AFF3: variants seen among roughly 807,000 people sequenced by gnomAD.
The protein encoded by AFF3 is AF4/FMR2 family member 3.
In AFF3, 32 loss-of-function variants were observed where a neutral mutation model predicts 129.7. That is an observed-to-expected ratio of 0.25 (90% CI 0.19 to 0.33). AFF3 has a LOEUF of 0.33. AFF3 is among the 10% of genes least tolerant of loss of function. AFF3 has a pLI of 1.00. For missense variants in AFF3, 1,373 were observed against 1,592.0 expected (o/e 0.86, Z 2.34); for synonymous variants, 644 against 635.4 (o/e 1.01, Z -0.20).
chr2:99,760,743 C>T (rs192441389), intron 8 of AFF3, among the ~76,000 whole-genome samples: 1 of 152,258 alleles, frequency 6.6e-6, no homozygotes, highest in East Asian at 1.9e-4. Flanking sequence ...ATGTTTAAAG[C>T]CACTTACTCC....
At chr2:99,849,534 C>T (rs533533225) in intron 7 of AFF3, among the ~76,000 whole-genome samples, 5 of 152,062 alleles carry the variant, frequency 3.3e-5, no homozygotes, top group Admixed American at 6.5e-5. Context: ...TTTGTAGAAC[C>T]GAGACAGTAA....
At chr2:100,034,466 T>G (rs1369522485) in intron 4 of AFF3, among the ~76,000 whole-genome samples, 6 of 152,030 alleles carry the variant, frequency 3.9e-5, no homozygotes, top group African/African-American at 1.2e-4. Context: ...ATTTCAGAAT[T>G]TTAAAAACTC....
At chr2:99,918,117 G>A (rs759386371) in intron 7 of AFF3, among the ~76,000 whole-genome samples, 4 of 151,952 alleles carry the variant, frequency 2.6e-5, no homozygotes, top group Admixed American at 6.6e-5. Context: ...AAACTCTCTC[G>A]CTTATTATTT....
chr2:99,873,917 G>A (rs1370043268), intron 7 of AFF3, among the ~76,000 whole-genome samples: 1 of 152,080 alleles, frequency 6.6e-6, no homozygotes, highest in Non-Finnish European at 1.5e-5. Context: ...GCTCACGCCT[G>A]TAATCTCAGT....
At chr2:99,882,331 G>T (rs549449089) in intron 7 of AFF3, among the ~76,000 whole-genome samples, 1 of 152,312 alleles carries the variant, frequency 6.6e-6, no homozygotes, top group East Asian at 1.9e-4. Context: ...ACCAATCTAG[G>T]CATTCTAAAG....
chr2:99,780,298 C>A (rs1014829428), intron 8 of AFF3, among the ~76,000 whole-genome samples: 1 of 152,180 alleles, frequency 6.6e-6, no homozygotes, highest in Non-Finnish European at 1.5e-5. Flanking sequence ...AACCTCTCAG[C>A]GCTCTGTCTG....
intron 4 of AFF3, among the ~76,000 whole-genome samples, chr2:100,078,846 T>C (rs924895707): frequency 1.3e-5 from 2 of 152,166 alleles, no homozygotes; most frequent in African/African-American, 2.4e-5. Flanking sequence ...AGATTACTTA[T>C]AATACTTAAT....
At chr2:99,796,632 G>T (rs1685572554) in intron 8 of AFF3, among the ~76,000 whole-genome samples, 1 of 152,180 alleles carries the variant, frequency 6.6e-6, no homozygotes, top group Non-Finnish European at 1.5e-5. Flanking sequence ...TGAGTTTGCT[G>T]CTCAGGACAC....
At chr2:99,604,878 A>C (rs968363026) in intron 13 of AFF3, among the ~76,000 whole-genome samples, 1 of 152,222 alleles carries the variant, frequency 6.6e-6, no homozygotes, top group African/African-American at 2.4e-5. Flanking sequence ...CATCATAGAA[A>C]ACCAATCAGT....
chr2:100,083,253 G>T (rs953829755), intron 4 of AFF3, among the ~76,000 whole-genome samples: 2 of 152,164 alleles, frequency 1.3e-5, no homozygotes, highest in Non-Finnish European at 2.9e-5. Context: ...AGGAAGTCTA[G>T]GTCAATCAGC....
At chr2:99,720,917 T>C (rs1678833505) in intron 11 of AFF3, among the ~76,000 whole-genome samples, 1 of 152,198 alleles carries the variant, frequency 6.6e-6, no homozygotes, top group African/African-American at 2.4e-5. Flanking sequence ...TTTGCAGTTG[T>C]GTAGAATTCC....
chr2:99,958,597 C>T (rs1421537046), intron 7 of AFF3, among the ~76,000 whole-genome samples: 1 of 151,686 alleles, frequency 6.6e-6, no homozygotes, highest in African/African-American at 2.4e-5. Flanking sequence ...ATGTAGATAA[C>T]GATAAGAAAC....
chr2:99,639,978 C>T (rs145364510), intron 13 of AFF3, among the ~76,000 whole-genome samples: 288 of 152,066 alleles, frequency 1.9e-3, no homozygotes, highest in Non-Finnish European at 3.3e-3. Context: ...CCACTGCACC[C>T]GGCCCAGGAT....
At chr2:99,993,998 G>T (rs1680609007) in intron 7 of AFF3, among the ~76,000 whole-genome samples, 2 of 151,256 alleles carry the variant, frequency 1.3e-5, no homozygotes, top group African/African-American at 4.9e-5. Flanking sequence ...TAGAGATGGG[G>T]TTTCACCGTG....
intron 4 of AFF3, among the ~76,000 whole-genome samples, chr2:100,022,890 G>T (rs1347593528): frequency 6.6e-6 from 1 of 152,218 alleles, no homozygotes; most frequent in South Asian, 2.1e-4. Context: ...GCTAGGGTAG[G>T]TGGGGTTGGG....
intron 15 of AFF3, among the ~76,000 whole-genome samples, chr2:99,588,307 G>T (rs544732144): frequency 6.6e-6 from 1 of 152,184 alleles, no homozygotes. Flanking sequence ...CTTCCAAGTA[G>T]CTGGGAATGC....
intron 7 of AFF3, among the ~76,000 whole-genome samples, chr2:99,941,729 GGAAT>G (rs2106344107): frequency 6.6e-6 from 1 of 152,234 alleles, no homozygotes; most frequent in South Asian, 2.1e-4. Flanking sequence ...CTTCCTATCA[GGAAT>G]AGAGACACGA....
chr2:99,819,394 T>C (rs1198884941), intron 8 of AFF3, among the ~76,000 whole-genome samples: 1 of 152,232 alleles, frequency 6.6e-6, no homozygotes, highest in African/African-American at 2.4e-5. Flanking sequence ...ATGGATTTTA[T>C]AGGTTGAGAT....
chr2:99,851,212 T>A, intron 7 of AFF3, among the ~76,000 whole-genome samples: 1 of 152,344 alleles, frequency 6.6e-6, no homozygotes, highest in African/African-American at 2.4e-5. Flanking sequence ...AAATACATCA[T>A]AAATAATGCT....
Sources: gnomAD v4.1 joint callset for allele counts (sites outside exome capture counted in the v4.1 genomes callset) on GRCh38, gnomAD v4.1.1 for gene constraint, MANE v1.5 for transcripts, NCBI Gene and HGNC (gene_info 2026-07-23, HGNC 2026-07-21) for gene names.